Variants in ANAPC10 observed in about 807,000 individuals in gnomAD.
The protein encoded by ANAPC10 is anaphase promoting complex subunit 10.
A neutral mutation model predicts 22.0 loss-of-function variants in ANAPC10; 12 were observed. That is an observed-to-expected ratio of 0.55 (90% CI 0.35 to 0.88). The LOEUF is 0.88. ANAPC10 is among the 40% of genes least tolerant of loss of function. The pLI is 0.01. For synonymous variants in ANAPC10, 65 were observed against 69.5 expected, an observed-to-expected ratio of 0.94 and a Z score of 0.32; for missense variants, 188 against 220.9, an observed-to-expected ratio of 0.85 and a Z score of 0.94.
In ANAPC10 at chr4:145,011,784, G is replaced by A. The variant is rs147005360; in HGVS notation, c.328-16181C>T. 1.2e-4 allele frequency among the ~76,000 whole-genome samples: 18 copies of A among 152,216 alleles called. No individual in the cohort carries two copies. In the East Asian group the frequency reaches 3.5e-3, roughly 29 times the overall value. ...TTTGCCACATTCTGAAGTTGCCTAG[G>A]ATAGGTTGCTGAAAGGTTAAGCAAG... On this transcript the variant is annotated intron_variant, in intron 4 of 4. Coordinates refer to ENST00000507656, the MANE Select transcript of ANAPC10 (RefSeq NM_001256706.2).
At chr4:145,066,123 T>C (rs1743640814) in intron 3 of ANAPC10, among the ~76,000 whole-genome samples, 1 of 152,142 alleles carries the variant, frequency 6.6e-6, no homozygotes, top group African/African-American at 2.4e-5. Context: ...GTGTCAAAAG[T>C]CAGCCTATAA....
At chr4:145,086,533 G>C (rs1236483727) in intron 2 of ANAPC10, among the ~76,000 whole-genome samples, 1 of 152,130 alleles carries the variant, frequency 6.6e-6, no homozygotes, top group African/African-American at 2.4e-5. Flanking sequence ...TGAGAGCTCA[G>C]CCCTTTTGAG....
chr4:145,076,739 G>A (rs915157410), intron 3 of ANAPC10, among the ~76,000 whole-genome samples: 10 of 152,106 alleles, frequency 6.6e-5, no homozygotes, highest in Non-Finnish European at 1.0e-4. Flanking sequence ...GCTGAAAGAC[G>A]AAATAGCTAT....
At chr4:145,054,631 GTGTGTGTGT>G (rs1238297329) in intron 4 of ANAPC10, among the ~76,000 whole-genome samples, 1 of 126,388 alleles carries the variant, frequency 7.9e-6, no homozygotes, top group African/African-American at 3.2e-5. Context: ...GTGTGTGTGT[GTGTGTGTGT>G]GCGCGCGCGC....
chr4:145,025,397 T>C (rs1385258331), intron 4 of ANAPC10, among the ~76,000 whole-genome samples: 3 of 149,264 alleles, frequency 2.0e-5, no homozygotes, highest in African/African-American at 4.9e-5. Flanking sequence ...TGTGAGACAC[T>C]TCCTTTCACT....
intron 4 of ANAPC10, among the ~76,000 whole-genome samples, chr4:145,050,368 C>A (rs1740922119): frequency 6.6e-6 from 1 of 152,190 alleles, no homozygotes; most frequent in Non-Finnish European, 1.5e-5. Flanking sequence ...AGGCTTTGTT[C>A]TTCCATTTAT....
chr4:145,082,692 AT>A (rs1339533117), intron 2 of ANAPC10, among the ~76,000 whole-genome samples: 1 of 152,184 alleles, frequency 6.6e-6, no homozygotes, highest in African/African-American at 2.4e-5. Context: ...CCAGAATCCC[AT>A]GTTCTCCATC....
chr4:145,008,317 T>G (rs947147686), intron 4 of ANAPC10, among the ~76,000 whole-genome samples: 3 of 151,996 alleles, frequency 2.0e-5, no homozygotes, highest in Non-Finnish European at 2.9e-5. Context: ...AAAGAGGGAA[T>G]CCTCCCTACC....
rs932447586 is a variant in ANAPC10 at position 144,994,826 on chromosome 4, C to T, written c.*547G>A. 7 of 152,200 alleles carry T rather than the reference C, an allele frequency of 4.6e-5. No individual in the cohort carries two copies. The highest frequency in any genetic ancestry group is 2.0e-4 in the Admixed American group (3 of 15,254). The allele number at this position is 152,200 out of a possible 1,614,324, so 9.4% of individuals were successfully genotyped here. A position where few individuals can be genotyped will look rare whatever the true frequency, so the allele number is the denominator to read the frequency against. On this transcript the variant is annotated 3_prime_UTR_variant, in exon 5 of 5. Transcript: ENST00000507656. ...GGTGAATATGAGACAATTAATTATA[C>T]TCCCCATATTAGATTGGTTCTCATC...
intron 3 of ANAPC10, among the ~76,000 whole-genome samples, chr4:145,081,159 T>C (rs1579137675): frequency 6.6e-6 from 1 of 151,414 alleles, no homozygotes; most frequent in Admixed American, 6.6e-5. Flanking sequence ...TTGAAAAACA[T>C]GTGGCTGTTT....
chr4:145,052,160 G>A (rs1311567897), intron 4 of ANAPC10, among the ~76,000 whole-genome samples: 1 of 152,058 alleles, frequency 6.6e-6, no homozygotes, highest in African/African-American at 2.4e-5. Flanking sequence ...TTTCGGTGAG[G>A]CATAAGAAAT....
intron 4 of ANAPC10, among the ~76,000 whole-genome samples, chr4:144,997,024 GAGA>G (rs1175805450): frequency 6.6e-6 from 1 of 152,140 alleles, no homozygotes; most frequent in Non-Finnish European, 1.5e-5. Context: ...GAAGTGAGAA[GAGA>G]AGGTTAGAGA....
rs34965733 is a variant in ANAPC10, at chr4:145,035,880, ACT to A, written c.327+28690_327+28691del. 2.2e-4 allele frequency among the ~76,000 whole-genome samples: 33 copies of A among 151,998 alleles called. No individual in the cohort carries two copies. The East Asian group carries it at 6.2e-3, about 29-fold the overall frequency. ...CTATACACCCCTGGTCTTCCTCAGCACTCTCTGCTTTTCTGATGGACCTTCCA... is the reference window on the plus strand; with the variant it reads ...CTATACACCCCTGGTCTTCCTCAGCACTCTGCTTTTCTGATGGACCTTCCA... On this transcript the variant is annotated intron_variant, in intron 4 of 4. Coordinates refer to ENST00000507656, the MANE Select transcript of ANAPC10 (RefSeq NM_001256706.2).
rs547197502 is a variant in ANAPC10 at position 145,091,318 on chromosome 4, C to T, written c.115+4667G>A. On this transcript the variant is annotated intron_variant, in intron 2 of 4. Transcript: ENST00000507656. The stretch of plus-strand genomic sequence containing the variant: ...TGAGGTACGATTCAGTGCTAGTTTA[C>T]CAAGGAAGGTAAACTTTACCAAAGG... Among the ~76,000 whole-genome samples, 20 of 152,198 alleles carry T rather than the reference C, an allele frequency of 1.3e-4. No homozygotes were observed. The South Asian group carries it at 4.2e-3, about 32-fold the overall frequency.
intron 4 of ANAPC10, among the ~76,000 whole-genome samples, chr4:145,018,278 A>C (rs530335842): frequency 6.6e-6 from 1 of 152,162 alleles, no homozygotes; most frequent in Admixed American, 6.6e-5. Flanking sequence ...CTCAATACTA[A>C]CATTGAATGT....
intron 4 of ANAPC10, among the ~76,000 whole-genome samples, chr4:145,024,978 C>A (rs1048113793): frequency 5.9e-5 from 9 of 152,190 alleles, no homozygotes; most frequent in Non-Finnish European, 1.5e-5. Context: ...TGCTACAGCT[C>A]CTCCATCAGC....
At chr4:145,024,619 G>A (rs1426328453) in intron 4 of ANAPC10, among the ~76,000 whole-genome samples, 1 of 152,174 alleles carries the variant, frequency 6.6e-6, no homozygotes, top group East Asian at 1.9e-4. Context: ...GGTCTCAACA[G>A]TGGGATTAAA....
intron 4 of ANAPC10, among the ~76,000 whole-genome samples, chr4:145,002,484 CAG>C (rs1204927949): frequency 6.6e-6 from 1 of 152,040 alleles, no homozygotes; most frequent in Non-Finnish European, 1.5e-5. Context: ...AGTTTCTATA[CAG>C]AGAAACTGCT....
intron 4 of ANAPC10, among the ~76,000 whole-genome samples, chr4:145,049,565 G>A (rs552632651): frequency 6.3e-4 from 96 of 152,038 alleles, no homozygotes; most frequent in Non-Finnish European, 1.1e-3. Context: ...CAATTTGGTC[G>A]CATCTTCAGG....
Sources: gnomAD v4.1 joint callset for allele counts (sites outside exome capture counted in the v4.1 genomes callset) on GRCh38, gnomAD v4.1.1 for gene constraint, MANE v1.5 for transcripts, NCBI Gene and HGNC (gene_info 2026-07-23, HGNC 2026-07-21) for gene names.